KCNJ15: variants seen among roughly 807,000 people sequenced by gnomAD.
KCNJ15 encodes potassium inwardly rectifying channel subfamily J member 15.
A neutral mutation model predicts 23.0 loss-of-function variants in KCNJ15; 14 were observed. The ratio of observed to expected loss-of-function variants is 0.61; its 90% CI spans 0.40 to 0.95. KCNJ15 has a LOEUF of 0.95. Among genes scored for constraint, KCNJ15 ranks in the 40% least tolerant of loss-of-function variants. The pLI is 0.00. For missense variants in KCNJ15, 388 were observed against 461.8 expected (o/e 0.84, Z 1.46); for synonymous variants, 185 against 183.2 (o/e 1.01, Z -0.08).
intron 1 of KCNJ15, among the ~76,000 whole-genome samples, chr21:38,274,926 C>T (rs1338880910): frequency 6.6e-6 from 1 of 152,084 alleles, no homozygotes; most frequent in East Asian, 1.9e-4. Flanking sequence ...CATATCTGGT[C>T]AACTTTTACC....
intron 1 of KCNJ15, among the ~76,000 whole-genome samples, chr21:38,263,370 C>T (rs1477913523): frequency 2.6e-5 from 4 of 152,086 alleles, no homozygotes; most frequent in Admixed American, 6.5e-5. Context: ...TGCTGGTGAG[C>T]GGAGTCCTGT....
intron 1 of KCNJ15, among the ~76,000 whole-genome samples, chr21:38,245,236 G>A (rs1425675879): frequency 6.6e-6 from 1 of 151,944 alleles, no homozygotes; most frequent in East Asian, 1.9e-4. Flanking sequence ...GTGGCCATAT[G>A]CCTGATTCTC....
At chr21:38,268,249 G>A (rs1981669368) in intron 1 of KCNJ15, among the ~76,000 whole-genome samples, 1 of 152,132 alleles carries the variant, frequency 6.6e-6, no homozygotes, top group Non-Finnish European at 1.5e-5. Context: ...GGGAGAACAA[G>A]GAAACAATGC....
At chr21:38,238,180 A>G in intron 1 of KCNJ15, 1 of 427,798 alleles carries the variant, frequency 2.3e-6, no homozygotes, top group Non-Finnish European at 4.4e-6. Flanking sequence ...GTCTTTAGTC[A>G]GTTGGGAAGC....
chr21:38,238,919 C>G (rs2836233), intron 1 of KCNJ15, among the ~76,000 whole-genome samples: 70,239 of 151,998 alleles, frequency 0.46, 17,038 homozygotes, highest in East Asian at 0.86. Flanking sequence ...TTGCTCCCTG[C>G]TTAAAAATAA....
intron 1 of KCNJ15, among the ~76,000 whole-genome samples, chr21:38,284,993 C>G (rs1247660228): frequency 3.3e-5 from 5 of 152,242 alleles, no homozygotes; most frequent in Admixed American, 6.5e-5. Flanking sequence ...CCAAGTCACT[C>G]TTAATGCTTC....
chr21:38,289,631 G>A (rs1984368674), intron 1 of KCNJ15, among the ~76,000 whole-genome samples: 1 of 152,182 alleles, frequency 6.6e-6, no homozygotes, highest in Non-Finnish European at 1.5e-5. Flanking sequence ...TACTTAGGAA[G>A]CTAAGGAAGG....
At chr21:38,273,113 A>G (rs1982275763) in intron 1 of KCNJ15, among the ~76,000 whole-genome samples, 1 of 152,234 alleles carries the variant, frequency 6.6e-6, no homozygotes, top group African/African-American at 2.4e-5. Flanking sequence ...GGTTAGAAAA[A>G]GTACACATAC....
rs1179245490 is a variant in KCNJ15, at chr21:38,306,462, A to G, written c.*6073A>G. Reference sequence around the variant, plus strand: ...TTTATGCAAATTTACTTAATATTATAGAAGAGTAAAGAGCTTCCAAGAAGG... The same window carrying G: ...TTTATGCAAATTTACTTAATATTATGGAAGAGTAAAGAGCTTCCAAGAAGG... On this transcript the variant is annotated 3_prime_UTR_variant, in exon 3 of 3. Transcript: ENST00000398938. The G allele has an allele frequency of 1.3e-5, 2 of 152,124 alleles. No homozygotes were observed. Among genetic ancestry groups the G allele is most frequent in the Non-Finnish European group, 2.9e-5 (2 of 68,010 alleles). The allele number at this position is 152,124 out of a possible 1,614,324, so 9.4% of individuals were successfully genotyped here.
At chr21:38,284,824 A>G (rs1389179597) in intron 1 of KCNJ15, among the ~76,000 whole-genome samples, 4 of 151,914 alleles carry the variant, frequency 2.6e-5, no homozygotes, top group African/African-American at 4.8e-5. Context: ...CCATGCTCCA[A>G]CTCCAGACTA....
chr21:38,285,861 G>A (rs1378691365), intron 1 of KCNJ15, among the ~76,000 whole-genome samples: 1 of 152,178 alleles, frequency 6.6e-6, no homozygotes, highest in Non-Finnish European at 1.5e-5. Flanking sequence ...TACTCTAGAT[G>A]AGTAAGCTTT....
At chr21:38,251,585 A>T (rs920906462) in intron 1 of KCNJ15, among the ~76,000 whole-genome samples, 1 of 152,232 alleles carries the variant, frequency 6.6e-6, no homozygotes, top group Non-Finnish European at 1.5e-5. Context: ...GATTTTACAG[A>T]TGCCGTGGCA....
chr21:38,279,269 AGTTGACT>A (rs1323889228), intron 1 of KCNJ15, among the ~76,000 whole-genome samples: 1 of 152,114 alleles, frequency 6.6e-6, no homozygotes, highest in Admixed American at 6.5e-5. Flanking sequence ...AACCACACAC[AGTTGACT>A]GTTGTTCTGG....
intron 1 of KCNJ15, chr21:38,272,398 G>A (rs546164229): frequency 6.6e-6 from 1 of 152,536 alleles, no homozygotes; most frequent in South Asian, 2.1e-4. Context: ...TGGAGAGTGT[G>A]TTCCTGCCTA....
intron 1 of KCNJ15, among the ~76,000 whole-genome samples, chr21:38,258,046 C>CT (rs917023857): frequency 6.6e-6 from 1 of 151,914 alleles, no homozygotes; most frequent in Non-Finnish European, 1.5e-5. Flanking sequence ...TTAGATTTAT[C>CT]TTTTTCCCCT....
chr21:38,261,092 A>T (rs1020368449), intron 1 of KCNJ15, among the ~76,000 whole-genome samples: 1 of 152,110 alleles, frequency 6.6e-6, no homozygotes, highest in Admixed American at 6.6e-5. Context: ...GCAGGGGAGG[A>T]ATGCAATTCT....
At chr21:38,240,466 T>C (rs1468754622) in intron 1 of KCNJ15, among the ~76,000 whole-genome samples, 3 of 152,184 alleles carry the variant, frequency 2.0e-5, no homozygotes, top group Admixed American at 1.3e-4. Context: ...TATTAATACA[T>C]GGTCTGGGCT....
Position 38,306,049 on chromosome 21 carries a change from C to A in KCNJ15, c.*5660C>A, listed in dbSNP as rs1018129189. 1 of 152,196 alleles carries A rather than the reference C, an allele frequency of 6.6e-6. No homozygotes were observed. The highest frequency in any genetic ancestry group is 1.5e-5 in the Non-Finnish European group (1 of 68,048). The allele number at this position is 152,196 out of a possible 1,614,324, so 9.4% of individuals were successfully genotyped here. On this transcript the variant is annotated 3_prime_UTR_variant, in exon 3 of 3. Coordinates refer to ENST00000398938, the MANE Select transcript of KCNJ15 (RefSeq NM_170736.3). ...GGGCATCACCCTAGAAGGATGGGCT[C>A]AAAGTCGCCCTCCACGTGGGTGCAC...
chr21:38,238,564 G>A, intron 1 of KCNJ15: 2 of 628,056 alleles, frequency 3.2e-6, no homozygotes, highest in South Asian at 1.5e-5. Flanking sequence ...CTGGGAGAAG[G>A]CAGTCACTAG....
Sources: gnomAD v4.1 joint callset for allele counts (sites outside exome capture counted in the v4.1 genomes callset) on GRCh38, gnomAD v4.1.1 for gene constraint, MANE v1.5 for transcripts, NCBI Gene and HGNC (gene_info 2026-07-23, HGNC 2026-07-21) for gene names.